The following FTO variants were observed in gnomAD, a reference collection of about 807,000 sequenced individuals.
The protein encoded by FTO is alpha-ketoglutarate-dependent dioxygenase FTO.
A neutral mutation model predicts 63.9 loss-of-function variants in FTO; 47 were observed. That is an observed-to-expected ratio of 0.74 (90% confidence interval 0.58 to 0.94). The LOEUF (loss-of-function observed/expected upper bound fraction) is 0.94, where lower values mean the gene tolerates loss of function less well. Ranked by LOEUF, FTO falls within the 40% of genes least tolerant of loss-of-function variation. FTO has a pLI of 0.00. For synonymous variants in FTO, 207 were observed against 224.4 expected (o/e 0.92, Z 0.69); for missense variants, 562 against 618.1 (o/e 0.91, Z 0.96).
chr16:54,103,829 C>G (rs1193039427), intron 8 of FTO, among the ~76,000 whole-genome samples: 2 of 152,142 alleles, frequency 1.3e-5, no homozygotes, highest in Non-Finnish European at 2.9e-5. Context: ...TTATTATAAA[C>G]TAGACTGCAA....
rs748099982 is a variant in FTO, at chr16:53,825,948, C to T, written c.208C>T (p.Leu70Phe). 5.0e-6 allele frequency: 8 copies of T among 1,614,210 alleles called. No individual in the cohort carries two copies. Among genetic ancestry groups the T allele is most frequent in the Non-Finnish European group, 6.8e-6 (8 of 1,180,050 alleles). ...CCATAAAGAGGTTCAAGAAGCCTTT[C>T]TCACACTGCACAAGCATGGCTGCTT... is the stretch of plus-strand genomic sequence containing the variant. ...ELHKEVQEAF[L>F]TLHKHGCLFR... The change falls in exon 3 of 9, where the codon CTC becomes TTC. Residue 70 changes from leucine (L) to phenylalanine (F), a missense_variant. By Grantham distance (22) the Leu-to-Phe change is conservative. Transcript: ENST00000471389.
intron 7 of FTO, chr16:53,911,609 G>A: frequency 1.6e-6 from 1 of 639,952 alleles, no homozygotes; most frequent in Non-Finnish European, 2.8e-6. Flanking sequence ...GGTCAACCTG[G>A]AGGTTCCTGA....
chr16:54,065,770 T>C (rs1389444221), intron 8 of FTO, among the ~76,000 whole-genome samples: 1 of 152,210 alleles, frequency 6.6e-6, no homozygotes, highest in Non-Finnish European at 1.5e-5. Flanking sequence ...TGATAAGATG[T>C]TTCCAGCCCA....
chr16:54,071,578 C>CTG (rs1362674009), intron 8 of FTO: 2 of 152,166 alleles, frequency 1.3e-5, no homozygotes, highest in East Asian at 3.9e-4. Context: ...ACCATCCCGC[C>CTG]TGACCACTTG....
At chr16:53,808,334 C>CAA (rs376502692) in intron 1 of FTO, among the ~76,000 whole-genome samples, 13 of 136,092 alleles carry the variant, frequency 9.6e-5, no homozygotes, top group Admixed American at 6.6e-4. Flanking sequence ...ACCCTGTCTC[C>CAA]AAAAAAAAAA....
chr16:53,794,576 A>G (rs964116759), intron 1 of FTO, among the ~76,000 whole-genome samples: 1 of 152,338 alleles, frequency 6.6e-6, no homozygotes, highest in African/African-American at 2.4e-5. Context: ...TGTCAATCCT[A>G]TAAAAGGAAA....
At chr16:54,104,589 G>A (rs2086707482) in intron 8 of FTO, among the ~76,000 whole-genome samples, 1 of 152,156 alleles carries the variant, frequency 6.6e-6, no homozygotes, top group South Asian at 2.1e-4. Flanking sequence ...GGGATTACAG[G>A]TGTGAACCAC....
intron 8 of FTO, among the ~76,000 whole-genome samples, chr16:53,967,401 A>G (rs1260304778): frequency 1.3e-5 from 2 of 152,130 alleles, no homozygotes; most frequent in Non-Finnish European, 1.5e-5. Context: ...CGGGAAGGGC[A>G]TGTTAGATGG....
At chr16:53,855,282 T>A (rs1284804197) in intron 4 of FTO, among the ~76,000 whole-genome samples, 1 of 152,208 alleles carries the variant, frequency 6.6e-6, no homozygotes, top group Non-Finnish European at 1.5e-5. Context: ...CCTTTATTTC[T>A]TTCCTTTGCC....
intron 4 of FTO, among the ~76,000 whole-genome samples, chr16:53,860,208 T>A (rs1036971869): frequency 1.3e-5 from 2 of 152,156 alleles, no homozygotes; most frequent in East Asian, 3.8e-4. Flanking sequence ...CTAAGTGAAA[T>A]AAGCAAGGCA....
chr16:54,051,158 T>TACTA (rs2085302993), intron 8 of FTO, among the ~76,000 whole-genome samples: 1 of 152,242 alleles, frequency 6.6e-6, no homozygotes, highest in South Asian at 2.1e-4. Flanking sequence ...TGCTAACGGT[T>TACTA]ACTGCCATTT....
chr16:53,947,622 C>A (rs145512910), intron 8 of FTO, among the ~76,000 whole-genome samples: 1 of 152,144 alleles, frequency 6.6e-6, no homozygotes, highest in South Asian at 2.1e-4. Context: ...TCACTGTGGA[C>A]GAATGTACTC....
chr16:54,066,757 G>C (rs2085742587), intron 8 of FTO, among the ~76,000 whole-genome samples: 1 of 152,206 alleles, frequency 6.6e-6, no homozygotes, highest in African/African-American at 2.4e-5. Flanking sequence ...GTGTAGCTCA[G>C]GACCAGTAGG....
At chr16:53,977,922 A>C (rs1374454729) in intron 8 of FTO, among the ~76,000 whole-genome samples, 1 of 152,110 alleles carries the variant, frequency 6.6e-6, no homozygotes, top group Non-Finnish European at 1.5e-5. Context: ...GCAGTGCTGC[A>C]ATCATAGCTC....
intron 8 of FTO, among the ~76,000 whole-genome samples, chr16:53,973,512 C>A (rs539471633): frequency 8.5e-5 from 13 of 152,212 alleles, no homozygotes; most frequent in African/African-American, 2.6e-4. Flanking sequence ...TTTAGGTGAA[C>A]CCTAGTGCAA....
rs181420431 is a variant in FTO, at chr16:53,826,620, C to T, written c.751+129C>T. ...GTGCTTGCGTGTGTACATGCACATGCGTGTGTGTGTATCATGTGTCCTTTT... is the reference window on the plus strand; with the variant it reads ...GTGCTTGCGTGTGTACATGCACATGTGTGTGTGTGTATCATGTGTCCTTTT... On this transcript the variant is annotated intron_variant, in intron 3 of 8. Transcript: ENST00000471389. The T allele has an allele frequency of 8.1e-4, 673 of 832,900 alleles. 1 individual carries two copies. The highest frequency in any genetic ancestry group is 6.4e-3 in the African/African-American group (386 of 60,500). The allele number at this position is 832,900 out of a possible 1,614,324, so 51.6% of individuals were successfully genotyped here.
At chr16:54,082,285 A>G (rs937669240) in intron 8 of FTO, among the ~76,000 whole-genome samples, 16 of 152,172 alleles carry the variant, frequency 1.1e-4, no homozygotes, top group Admixed American at 2.6e-4. Context: ...TTGGATCCCA[A>G]TTCCACTTGA....
At chr16:53,876,655 A>C (rs1178540276) in intron 5 of FTO, among the ~76,000 whole-genome samples, 1 of 152,238 alleles carries the variant, frequency 6.6e-6, no homozygotes, top group Non-Finnish European at 1.5e-5. Context: ...GGCTGGGTGC[A>C]GTGGCTCATG....
At chr16:54,014,573 C>T (rs1451679404) in intron 8 of FTO, among the ~76,000 whole-genome samples, 2 of 152,074 alleles carry the variant, frequency 1.3e-5, no homozygotes, top group Admixed American at 6.6e-5. Flanking sequence ...ATTACCCAGC[C>T]TCGGGTGTTC....
Sources: allele counts gnomAD v4.1 joint callset (sites outside exome capture counted in the v4.1 genomes callset), GRCh38; gene constraint gnomAD v4.1.1; transcripts MANE v1.5; gene names NCBI Gene and HGNC (gene_info 2026-07-23, HGNC 2026-07-21).